Variants in PCDHGA5 observed in about 807,000 individuals in gnomAD.
The protein encoded by PCDHGA5 is protocadherin gamma subfamily A, 5.
Under a neutral mutation model 56.7 loss-of-function variants are expected in PCDHGA5, and 36 were observed. That is an observed-to-expected ratio of 0.64 (90% CI 0.49 to 0.84). The LOEUF is 0.84. Ranked by LOEUF, PCDHGA5 falls within the 40% of genes least tolerant of loss-of-function variation. The probability of loss-of-function intolerance (pLI) is 0.00; values close to 1 mark genes in which losing one functional copy is unlikely to be tolerated. For missense variants in PCDHGA5, 1,305 were observed against 1,201.5 expected (o/e 1.09, Z -1.27); for synonymous variants, 563 against 520.2 (o/e 1.08, Z -1.12).
rs759439765 is a variant in PCDHGA5 at position 141,478,199 on chromosome 5, C to A, written c.2422-16608C>A. ...GAAAAAAAATCTCACCTTTTATCTA[C>A]TTCTTTCTCTAATCCTGGTTTCTGT... On this transcript the variant is annotated intron_variant, in intron 1 of 3. Coordinates refer to ENST00000518069, the MANE Select transcript of PCDHGA5 (RefSeq NM_018918.3). The A allele has an allele frequency of 3.8e-5, 62 of 1,613,938 alleles. No homozygotes were observed. Among genetic ancestry groups the A allele is most frequent in the Non-Finnish European group, 5.0e-5 (59 of 1,180,046 alleles).
rs756594174 is a variant in PCDHGA5, at chr5:141,364,981, C to A, written c.651C>A (p.Gly217=). 7.2e-5 allele frequency: 116 copies of A among 1,613,766 alleles called. No homozygotes were observed. The highest frequency in any genetic ancestry group is 8.6e-5 in the Non-Finnish European group (101 of 1,179,890). Residue 217 remains glycine (G), a synonymous_variant, in exon 1 of 4, where the codon GGC becomes GGA. Coordinates refer to ENST00000518069, the MANE Select transcript of PCDHGA5 (RefSeq NM_018918.3). The stretch of plus-strand genomic sequence containing the variant: ...ACCTCCTCCTCACAGCTTTAGATGG[C>A]GGAGACCCGGTACTCTCCGGCACCA... ...VHDLLLTALD[G]GDPVLSGTTH... is the part of the protein sequence containing the mutation.
intron 1 of PCDHGA5, among the ~76,000 whole-genome samples, chr5:141,386,991 A>G (rs1218503150): frequency 6.6e-6 from 1 of 152,212 alleles, no homozygotes; most frequent in Non-Finnish European, 1.5e-5. Context: ...GAGGCTATGT[A>G]TTATCCCCCT....
chr5:141,444,722 C>T (rs72790051), intron 1 of PCDHGA5, among the ~76,000 whole-genome samples: 3,290 of 152,024 alleles, frequency 0.022, 51 homozygotes, highest in South Asian at 0.038. Flanking sequence ...TGCTTGGTGC[C>T]TTTGTTGAAA....
At position 141,374,284 on chromosome 5, in the gene PCDHGA5, C is replaced by A. The variant is rs756823871; in HGVS notation, c.2421+7533C>A. ...TGGCGGAGCACGGAGTCCGCATCGT[C>A]TCCAGAGGTAGGATGCAGCTTTTCT... is the stretch of plus-strand genomic sequence containing the variant. On this transcript the variant is annotated intron_variant, in intron 1 of 3. Transcript: ENST00000518069. The A allele has an allele frequency of 3.7e-6, 6 of 1,613,880 alleles. No individual in the cohort carries two copies. In the Admixed American group the frequency reaches 8.3e-5, roughly 22 times the overall value.
At chr5:141,392,644 A>C in intron 1 of PCDHGA5, 1 of 663,560 alleles carries the variant, frequency 1.5e-6, no homozygotes, top group Non-Finnish European at 2.4e-6. Flanking sequence ...CACCTCACGA[A>C]GACCCGCAGA....
intron 1 of PCDHGA5, chr5:141,417,652 GCCTGGGATTC>G: frequency 2.4e-6 from 2 of 840,506 alleles, no homozygotes; most frequent in Non-Finnish European, 3.5e-6. Context: ...TCAGCCTCTA[GCCTGGGATTC>G]CCTGCGCAGC....
chr5:141,414,635 A>G (rs753834653), intron 1 of PCDHGA5: 72 of 1,613,866 alleles, frequency 4.5e-5, no homozygotes, highest in Admixed American at 2.0e-4. Flanking sequence ...GACAGCAAAG[A>G]GAATGCCCAG....
At chr5:141,375,105 A>G (rs371346343) in intron 1 of PCDHGA5, 56 of 1,613,840 alleles carry the variant, frequency 3.5e-5, no homozygotes, top group East Asian at 3.1e-4. Context: ...TTGGATGTCA[A>G]TGATAATGTA....
At chr5:141,374,277 G>T in intron 1 of PCDHGA5, 2 of 1,613,958 alleles carry the variant, frequency 1.2e-6, no homozygotes, top group African/African-American at 1.3e-5. Context: ...CACGGAGTCC[G>T]CATCGTCTCC....
In PCDHGA5 at chr5:141,413,348, T is replaced by C. The variant is rs1217580039; in HGVS notation, c.2421+46597T>C. On this transcript the variant is annotated intron_variant, in intron 1 of 3. Transcript: ENST00000518069. The stretch of plus-strand genomic sequence containing the variant: ...GGCAACATCTCCAAGGACTTGGGTC[T>C]GGCGCCCCGGGAGCTGGCGGAGCGC... The C allele has an allele frequency of 1.9e-6, 3 of 1,613,872 alleles. No homozygotes were observed. In the Admixed American group the frequency reaches 5.0e-5, roughly 27 times the overall value.
chr5:141,494,962 T>G (rs1644946600), intron 2 of PCDHGA5, 97 bp downstream of exon 2: 4 of 1,596,756 alleles, frequency 2.5e-6, no homozygotes, highest in Non-Finnish European at 3.4e-6. Context: ...TTGCTACAGA[T>G]GGCTTCTCCC....
At chr5:141,427,770 C>T (rs775095791) in intron 1 of PCDHGA5, 2 of 1,399,194 alleles carry the variant, frequency 1.4e-6, no homozygotes, top group Non-Finnish European at 2.0e-6. Context: ...TGACTTGGAG[C>T]TGCGGGCACT....
At chr5:141,484,383 A>C (rs968059260) in intron 1 of PCDHGA5, among the ~76,000 whole-genome samples, 1 of 152,194 alleles carries the variant, frequency 6.6e-6, no homozygotes, top group Non-Finnish European at 1.5e-5. Context: ...ATGTCTGAAT[A>C]AGAAAGGTTT....
intron 1 of PCDHGA5, among the ~76,000 whole-genome samples, chr5:141,401,300 C>A (rs1169689828): frequency 1.3e-5 from 2 of 152,200 alleles, no homozygotes; most frequent in African/African-American, 4.8e-5. Context: ...CGAGATCACT[C>A]CATTGCATTC....
intron 1 of PCDHGA5, among the ~76,000 whole-genome samples, chr5:141,460,983 GTA>G (rs59296681): frequency 1.2e-4 from 16 of 137,836 alleles, no homozygotes; most frequent in East Asian, 2.1e-4. Context: ...GTGTGTGTGT[GTA>G]TATATATATA....
At position 141,486,460 on chromosome 5, in the gene PCDHGA5, T is replaced by A. The variant is rs1218788640; in HGVS notation, c.2422-8347T>A. 6.2e-7 allele frequency: 1 copy of A among 1,614,146 alleles called. No individual in the cohort carries two copies. Among genetic ancestry groups the A allele is most frequent in the South Asian group, 1.1e-5 (1 of 91,082 alleles). On this transcript the variant is annotated intron_variant, in intron 1 of 3. Coordinates refer to ENST00000518069, the MANE Select transcript of PCDHGA5 (RefSeq NM_018918.3). The surrounding 1 kb of genome is among the most constrained non-coding windows in gnomAD (Gnocchi z 5.0). Reference sequence around the variant, plus strand: ...ATGACATCATGGTCACTGCTTCTGATGCTGGGAACCCTCCTCTCAGTACCC... The same window carrying A: ...ATGACATCATGGTCACTGCTTCTGAAGCTGGGAACCCTCCTCTCAGTACCC...
At chr5:141,469,126 A>T (rs2099191838) in intron 1 of PCDHGA5, among the ~76,000 whole-genome samples, 1 of 151,470 alleles carries the variant, frequency 6.6e-6, no homozygotes, top group African/African-American at 2.4e-5. Context: ...AAATTTAAAA[A>T]TTAGCCAGAA....
intron 1 of PCDHGA5, chr5:141,403,323 C>G: frequency 6.2e-7 from 1 of 1,613,958 alleles, no homozygotes; most frequent in Non-Finnish European, 8.5e-7. Flanking sequence ...ATAGAAGTAA[C>G]TGATATTAAC....
intron 1 of PCDHGA5, chr5:141,410,783 T>C (rs2095423369): frequency 1.1e-6 from 1 of 919,042 alleles, no homozygotes; most frequent in East Asian, 2.7e-5. Flanking sequence ...ACTATGTATT[T>C]GGTTCATAAG....
Sources: allele counts gnomAD v4.1 joint callset (sites outside exome capture counted in the v4.1 genomes callset), GRCh38; gene constraint gnomAD v4.1.1; non-coding constraint Gnocchi (gnomAD v3.1); transcripts MANE v1.5; gene names NCBI Gene and HGNC (gene_info 2026-07-23, HGNC 2026-07-21).